SLC26A7: variants seen among roughly 807,000 people sequenced by gnomAD.
SLC26A7 encodes anion exchange transporter.
Under a neutral mutation model 82.5 loss-of-function variants are expected in SLC26A7, and 59 were observed. The ratio of observed to expected loss-of-function variants is 0.72; its 90% confidence interval spans 0.58 to 0.89. The LOEUF is 0.89. Among genes scored for constraint, SLC26A7 ranks in the 40% least tolerant of loss-of-function variants. The pLI, the probability that SLC26A7 is intolerant of heterozygous loss-of-function variation, is 0.00. For missense variants in SLC26A7, 820 were observed against 793.0 expected, an observed-to-expected ratio of 1.03 and a Z score of -0.41; for synonymous variants, 271 against 274.3, an observed-to-expected ratio of 0.99 and a Z score of 0.12.
upstream of SLC26A7, among the ~76,000 whole-genome samples, chr8:91,244,484 ATT>A (rs35235921): frequency 2.2e-5 from 3 of 137,254 alleles, no homozygotes; most frequent in African/African-American, 8.0e-5. Context: ...TTCCCTAGGC[ATT>A]TTTTTTTTTC....
chr8:91,211,188 G>C (rs6651265), intron 1 of SLC26A7, among the ~76,000 whole-genome samples: 103,286 of 151,850 alleles, frequency 0.68, 35,491 homozygotes, highest in Middle Eastern at 0.76. Flanking sequence ...AAAATTATAA[G>C]AAGAAAAAAT....
chr8:91,283,869 A>G (rs1811641025), intron 2 of SLC26A7, among the ~76,000 whole-genome samples: 1 of 152,198 alleles, frequency 6.6e-6, no homozygotes, highest in African/African-American at 2.4e-5. Flanking sequence ...AAGACTTATT[A>G]GGACAAGAAT....
intron 3 of SLC26A7, among the ~76,000 whole-genome samples, chr8:91,291,700 C>T (rs1477852178): frequency 1.3e-5 from 2 of 152,154 alleles, no homozygotes; most frequent in Non-Finnish European, 2.9e-5. Context: ...AGATATTTAA[C>T]TGAATTACTT....
intron 15 of SLC26A7, among the ~76,000 whole-genome samples, chr8:91,375,797 C>T (rs761209687): frequency 1.1e-4 from 16 of 151,782 alleles, no homozygotes; most frequent in Non-Finnish European, 1.8e-4. Flanking sequence ...AGATAAAAGA[C>T]ATTTCTCTGA....
Position 91,249,807 on chromosome 8 carries a change from G to T in SLC26A7, c.156G>T (p.Val52=). The T allele has an allele frequency of 1.9e-6, 3 of 1,608,522 alleles. No homozygotes were observed. Among genetic ancestry groups the T allele is most frequent in the Admixed American group, 1.7e-5 (1 of 58,704 alleles). ...NLKENLLPDT[V]SGIMLAVQQV... ...AAGAAAACTTGCTTCCAGACACTGT[G>T]TCTGGGATAATGTTGGCAGTTCAAC... The change falls in exon 2 of 19, where the codon GTG becomes GTT. Residue 52 remains valine (V), a synonymous_variant. Coordinates refer to ENST00000276609, the MANE Select transcript of SLC26A7 (RefSeq NM_052832.4).
intron 15 of SLC26A7, among the ~76,000 whole-genome samples, chr8:91,380,691 A>G (rs1336789590): frequency 1.3e-5 from 2 of 152,128 alleles, no homozygotes; most frequent in Admixed American, 1.3e-4. Context: ...GCATTTTCTG[A>G]TTACCATCTG....
intron 18 of SLC26A7, 66 bp downstream of exon 18, chr8:91,394,105 A>G: frequency 1.3e-6 from 2 of 1,588,210 alleles, no homozygotes; most frequent in African/African-American, 1.3e-5. Context: ...GAAGCTTTGC[A>G]TCTTTTATAT....
intron 4 of SLC26A7, among the ~76,000 whole-genome samples, chr8:91,312,641 CTGTGTGTGTG>C (rs56386837): frequency 2.2e-4 from 33 of 149,648 alleles, no homozygotes; most frequent in African/African-American, 4.4e-4. Context: ...GTAGGTGTGT[CTGTGTGTGTG>C]TGTGTGTGTG....
intron 11 of SLC26A7, among the ~76,000 whole-genome samples, chr8:91,357,990 C>T (rs1166516983): frequency 2.0e-5 from 3 of 152,146 alleles, no homozygotes; most frequent in Non-Finnish European, 4.4e-5. Flanking sequence ...ATTTATGCAG[C>T]CAACAGACAC....
chr8:91,260,722 GTTGGAC>G (rs1750147162), intron 2 of SLC26A7, among the ~76,000 whole-genome samples: 1 of 152,038 alleles, frequency 6.6e-6, no homozygotes, highest in African/African-American at 2.4e-5. Context: ...TCTTAGGTCT[GTTGGAC>G]TTGGGGTTTC....
chr8:91,285,751 T>C (rs1811694073), intron 2 of SLC26A7, among the ~76,000 whole-genome samples: 1 of 152,234 alleles, frequency 6.6e-6, no homozygotes, highest in South Asian at 2.1e-4. Context: ...CTTGTATTCA[T>C]ATCTGAGAGG....
chr8:91,248,353 G>A (rs1427532448), upstream of SLC26A7, among the ~76,000 whole-genome samples: 1 of 151,974 alleles, frequency 6.6e-6, no homozygotes, highest in Non-Finnish European at 1.5e-5. Context: ...AAAAACAAAG[G>A]GAAAAAGTGC....
rs781445117 is a variant in SLC26A7, at chr8:91,362,405, G to T, written c.1367G>T (p.Gly456Val). The change falls in exon 12 of 19, where the codon GGA becomes GTA. Residue 456 changes from glycine (G) to valine (V), a missense_variant. Physicochemically the swap from Gly to Val is moderately radical, Grantham distance 109. Transcript: ENST00000276609. ...ACAATATGCTTTGCTGCCAATGTGG[G>T]ACTGCTGTTTGGTGTTGTTTGTACC... ...VFTICFAANV[G>V]LLFGVVCTIA... The T allele has an allele frequency of 1.9e-6, 3 of 1,613,272 alleles. No homozygotes were observed. Among genetic ancestry groups the T allele is most frequent in the African/African-American group, 1.3e-5 (1 of 74,878 alleles).
intron 2 of SLC26A7, among the ~76,000 whole-genome samples, chr8:91,267,196 T>C (rs1811136741): frequency 6.6e-6 from 1 of 151,762 alleles, no homozygotes; most frequent in South Asian, 2.1e-4. Flanking sequence ...CATATTGACA[T>C]TCCCCCCACC....
intron 15 of SLC26A7, among the ~76,000 whole-genome samples, chr8:91,385,688 A>G (rs1814781822): frequency 6.6e-6 from 1 of 152,204 alleles, no homozygotes; most frequent in Non-Finnish European, 1.5e-5. Flanking sequence ...CATGGCATGA[A>G]CACACTCTCA....
At chr8:91,347,211 G>T (rs761408024) in intron 9 of SLC26A7, among the ~76,000 whole-genome samples, 1 of 152,140 alleles carries the variant, frequency 6.6e-6, no homozygotes, top group Admixed American at 6.5e-5. Context: ...GAAGAGACTG[G>T]TCAGGCTGGA....
chr8:91,340,319 G>A, intron 7 of SLC26A7, 85 bp from the exon 8 acceptor site: 1 of 1,513,642 alleles, frequency 6.6e-7, no homozygotes, highest in Non-Finnish European at 9.0e-7. Context: ...AAACTTCAGA[G>A]TCATTGCCAC....
chr8:91,336,023 C>T (rs79834914), intron 6 of SLC26A7, among the ~76,000 whole-genome samples: 4,335 of 152,206 alleles, frequency 0.028, 88 homozygotes, highest in Non-Finnish European at 0.046. Flanking sequence ...ATCACCACTA[C>T]GACTGTCTCT....
At chr8:91,382,655 C>G (rs1320984086) in intron 15 of SLC26A7, among the ~76,000 whole-genome samples, 1 of 152,114 alleles carries the variant, frequency 6.6e-6, no homozygotes, top group Non-Finnish European at 1.5e-5. Flanking sequence ...AGAGAAATTA[C>G]CACATGCTTT....
Sources: allele counts gnomAD v4.1 joint callset (sites outside exome capture counted in the v4.1 genomes callset), GRCh38; gene constraint gnomAD v4.1.1; transcripts MANE v1.5; gene names NCBI Gene and HGNC (gene_info 2026-07-23, HGNC 2026-07-21).